The following SCAF8 variants were observed in gnomAD, a reference collection of about 807,000 sequenced individuals.
The protein encoded by SCAF8 is SR-related CTD associated factor 8.
In SCAF8, 23 loss-of-function variants were observed where a neutral mutation model predicts 140.5. The observed-to-expected ratio is 0.16, with a 90% confidence interval of 0.12 to 0.23. The LOEUF is 0.23. Ranked by LOEUF, SCAF8 falls within the 10% of genes least tolerant of loss-of-function variation. The pLI, the probability that SCAF8 is intolerant of heterozygous loss-of-function variation, is 1.00. For synonymous variants in SCAF8, 575 were observed against 528.9 expected, an observed-to-expected ratio of 1.09 and a Z score of -1.20; for missense variants, 1,397 against 1,555.7, an observed-to-expected ratio of 0.90 and a Z score of 1.72.
rs1264667604 is a variant in SCAF8 at position 154,733,853 on chromosome 6, G to GGCC, written c.-41_-39dup. On this transcript the variant is annotated 5_prime_UTR_variant, in exon 1 of 20. Coordinates refer to ENST00000367178, the MANE Select transcript of SCAF8 (RefSeq NM_014892.5). ...TCTCGCTCTCCCCACCCAGTGCAGT[G>GGCC]GCCGCCGCCTCTTCCGCCGCCGGGC... 6.5e-7 allele frequency: 1 copy of GGCC among 1,543,008 alleles called. No individual in the cohort carries two copies.
chr6:154,736,007 A>G (rs1299995275), intron 1 of SCAF8, among the ~76,000 whole-genome samples: 2 of 151,080 alleles, frequency 1.3e-5, no homozygotes, highest in Non-Finnish European at 3.0e-5. Context: ...TTTATTTTTT[A>G]TAGAGAGGAG....
chr6:154,765,604 A>G (rs1479531320), intron 1 of SCAF8, among the ~76,000 whole-genome samples: 1 of 152,230 alleles, frequency 6.6e-6, no homozygotes, highest in Non-Finnish European at 1.5e-5. Flanking sequence ...CCTAGAAGCC[A>G]AGGAAAGAAG....
intron 4 of SCAF8, among the ~76,000 whole-genome samples, chr6:154,790,489 A>ATTTTTTTTTTTTTTTTTTTTTT (rs57095332): frequency 4.2e-5 from 3 of 70,878 alleles, no homozygotes; most frequent in African/African-American, 5.3e-5. Flanking sequence ...ATTTAACAGA[A>ATTTTTTTTTTTTTTTTTTTTTT]TTTTTTTTTT....
chr6:154,794,767 G>GGT, intron 5 of SCAF8, among the ~76,000 whole-genome samples: 1 of 84,692 alleles, frequency 1.2e-5, no homozygotes, highest in Non-Finnish European at 2.3e-5. Context: ...GGTGGGGGGG[G>GGT]GGGGGTGTGG....
At chr6:154,736,217 G>T (rs558136145) in intron 1 of SCAF8, among the ~76,000 whole-genome samples, 2 of 151,536 alleles carry the variant, frequency 1.3e-5, no homozygotes, top group Admixed American at 6.6e-5. Flanking sequence ...TCTGTCTTTG[G>T]GGGGGTTCCT....
chr6:154,766,705 A>G (rs1186809905), intron 1 of SCAF8, among the ~76,000 whole-genome samples: 17 of 103,918 alleles, frequency 1.6e-4, no homozygotes, highest in Non-Finnish European at 2.8e-4. Context: ...CAATTTTATG[A>G]TTACCTTCAT....
In SCAF8 at chr6:154,738,995, G is replaced by T. The variant is rs117403182; in HGVS notation, c.30+5065G>T. Reference sequence around the variant, plus strand: ...GCATTTTAAAATACAGCAGATTGTTGTTGTTATTGTTTAAGACTGAGTTTC... The same window carrying T: ...GCATTTTAAAATACAGCAGATTGTTTTTGTTATTGTTTAAGACTGAGTTTC... On this transcript the variant is annotated intron_variant, in intron 1 of 19. Transcript: ENST00000367178. Among the ~76,000 whole-genome samples the T allele has an allele frequency of 6.0e-4, 91 of 152,194 alleles. 1 individual carries two copies. The East Asian group carries it at 0.011, about 18-fold the overall frequency.
At chr6:154,781,761 C>T (rs1777092181) in intron 3 of SCAF8, among the ~76,000 whole-genome samples, 1 of 152,146 alleles carries the variant, frequency 6.6e-6, no homozygotes, top group Non-Finnish European at 1.5e-5. Flanking sequence ...CACTTGTATA[C>T]CCAGAGTGTT....
intron 18 of SCAF8, among the ~76,000 whole-genome samples, chr6:154,828,131 A>G (rs17085697): frequency 0.051 from 7,698 of 152,290 alleles, 552 homozygotes; most frequent in African/African-American, 0.16. Flanking sequence ...GAACCTGGTC[A>G]TTAAAAACAT....
At chr6:154,784,120 GAT>G (rs72135986) in intron 3 of SCAF8, among the ~76,000 whole-genome samples, 9,395 of 105,478 alleles carry the variant, frequency 0.089, 464 homozygotes, top group Non-Finnish European at 0.12. Flanking sequence ...GGTGTCTTGA[GAT>G]ATATATATAT....
At position 154,733,835 on chromosome 6, in the gene SCAF8, C is replaced by T. The variant is rs754184002; in HGVS notation, c.-66C>T. On this transcript the variant is annotated 5_prime_UTR_variant, in exon 1 of 20. Transcript: ENST00000367178. ...GCCACGCAGCAGCCCGCGTCTCGCT[C>T]TCCCCACCCAGTGCAGTGGCCGCCG... 9.9e-6 allele frequency: 15 copies of T among 1,517,716 alleles called. No homozygotes were observed. The African/African-American group carries it at 1.6e-4, about 16-fold the overall frequency. The allele number at this position is 1,517,716 out of a possible 1,614,324, so 94.0% of individuals were successfully genotyped here.
chr6:154,826,403 A>G (rs1283805980), intron 17 of SCAF8, among the ~76,000 whole-genome samples: 1 of 152,196 alleles, frequency 6.6e-6, no homozygotes, highest in Admixed American at 6.5e-5. Context: ...AAAATTAAAT[A>G]TGTGTATCAT....
chr6:154,784,960 C>G (rs72993436), intron 3 of SCAF8, among the ~76,000 whole-genome samples: 2,559 of 152,296 alleles, frequency 0.017, 27 homozygotes, highest in Non-Finnish European at 0.023. Context: ...GTGCCTCTTC[C>G]TAATCATGTC....
intron 1 of SCAF8, among the ~76,000 whole-genome samples, chr6:154,761,451 A>G (rs1329342349): frequency 6.6e-6 from 1 of 152,118 alleles, no homozygotes; most frequent in African/African-American, 2.4e-5. Context: ...GCACCAGTGC[A>G]CTCCATACTC....
chr6:154,738,895 C>G (rs546683518), intron 1 of SCAF8, among the ~76,000 whole-genome samples: 1 of 152,022 alleles, frequency 6.6e-6, no homozygotes, highest in Non-Finnish European at 1.5e-5. Context: ...TTTTTTGTTT[C>G]CTTTTTTGTT....
In SCAF8 at chr6:154,818,397, A is replaced by G. The variant is rs540094163; in HGVS notation, c.1522-82A>G. The G allele has an allele frequency of 8.5e-4, 505 of 594,860 alleles. 13 individuals carry two copies. The South Asian group carries it at 0.013, about 15-fold the overall frequency. 36.8% of individuals were successfully genotyped at this position (594,860 alleles called of 1,614,324 possible). A position where few individuals can be genotyped will look rare whatever the true frequency, so the allele number is the denominator to read the frequency against. On this transcript the variant is annotated intron_variant, in intron 13 of 19. Transcript: ENST00000367178. ...GAATTGAAGTATTAGTAAGTAGTCA[A>G]TGTTTTGTGTCATTTAAACCATAAA... is the stretch of plus-strand genomic sequence containing the variant.
Position 154,812,350 on chromosome 6 carries a change from T to G in SCAF8, c.1420+2142T>G, listed in dbSNP as rs908617292. ...TTTAAAATTAGGGTATGTACATTTT[T>G]GTTTTTAGACATAATGCTGTTGCAC... On this transcript the variant is annotated intron_variant, in intron 12 of 19. Coordinates refer to ENST00000367178, the MANE Select transcript of SCAF8 (RefSeq NM_014892.5). Among the ~76,000 whole-genome samples, 7 of 151,464 alleles carry G rather than the reference T, an allele frequency of 4.6e-5. 1 individual carries two copies. The highest frequency in any genetic ancestry group is 1.0e-4 in the Non-Finnish European group (7 of 67,914).
intron 17 of SCAF8, among the ~76,000 whole-genome samples, chr6:154,826,644 G>A (rs1390460871): frequency 6.6e-6 from 1 of 152,166 alleles, no homozygotes; most frequent in African/African-American, 2.4e-5. Flanking sequence ...CTACTCGGGA[G>A]GCTGAAGTAG....
chr6:154,768,300 C>T (rs1776639650), intron 1 of SCAF8, among the ~76,000 whole-genome samples: 1 of 152,212 alleles, frequency 6.6e-6, no homozygotes, highest in East Asian at 1.9e-4. Context: ...ACTAGTGCCA[C>T]TTCCCATGGG....
Sources: gnomAD v4.1 joint callset for allele counts (sites outside exome capture counted in the v4.1 genomes callset) on GRCh38, gnomAD v4.1.1 for gene constraint, MANE v1.5 for transcripts, NCBI Gene and HGNC (gene_info 2026-07-23, HGNC 2026-07-21) for gene names.